FAM53B: variants seen among roughly 807,000 people sequenced by gnomAD.
FAM53B encodes family with sequence similarity 53 member B.
In FAM53B, 12 loss-of-function variants were observed where a neutral mutation model predicts 32.7. That is an observed-to-expected ratio of 0.37 (90% CI 0.24 to 0.59). The LOEUF is 0.59. FAM53B is among the 20% of genes least tolerant of loss of function. The pLI, the probability that FAM53B is intolerant of heterozygous loss-of-function variation, is 0.72. For missense variants in FAM53B, 477 were observed against 577.7 expected (o/e 0.83, Z 1.79); for synonymous variants, 234 against 228.7 (o/e 1.02, Z -0.21).
At chr10:124,706,536 G>A (rs2134085611) in intron 2 of FAM53B, 100 bp downstream of exon 2, 3 of 1,476,392 alleles carry the variant, frequency 2.0e-6, no homozygotes, top group East Asian at 4.5e-5. Flanking sequence ...TGGGGACTCT[G>A]GACTCGATTT....
rs779639182 is a variant in FAM53B, at chr10:124,681,661, G to A, written c.852C>T (p.Arg284=). 1.9e-6 allele frequency: 3 copies of A among 1,612,336 alleles called. No homozygotes were observed. The highest frequency in any genetic ancestry group is 2.5e-6 in the Non-Finnish European group (3 of 1,179,300). ...GCCTCTGCTCTTGCACTTCTTCAGG[G>A]CGCCGCCTTTTAACACCGACCTTCT... ...NDKKVGVKRR[R]PEEVQEQRPS... is the part of the protein sequence containing the mutation. Residue 284 remains arginine, a synonymous_variant, in exon 4 of 5, where the codon CGC becomes CGT. Transcript: ENST00000337318.
At chr10:124,713,058 G>T (rs1261583651) in intron 1 of FAM53B, among the ~76,000 whole-genome samples, 2 of 152,144 alleles carry the variant, frequency 1.3e-5, no homozygotes, top group East Asian at 1.9e-4. Context: ...GACGCCCCAT[G>T]CCCAGAGCCC....
intron 1 of FAM53B, among the ~76,000 whole-genome samples, chr10:124,734,678 A>G (rs745875615): frequency 6.6e-6 from 1 of 152,206 alleles, no homozygotes; most frequent in Non-Finnish European, 1.5e-5. Flanking sequence ...GCCCCCTCCC[A>G]GAACCTAGTG....
intron 1 of FAM53B, chr10:124,713,535 C>G (rs1195977518): frequency 6.6e-6 from 1 of 152,238 alleles, no homozygotes; most frequent in Non-Finnish European, 1.5e-5. Flanking sequence ...CCCCACCTGG[C>G]TCATCCACTT....
intron 1 of FAM53B, among the ~76,000 whole-genome samples, chr10:124,729,193 G>C (rs1232475995): frequency 6.6e-6 from 1 of 152,200 alleles, no homozygotes; most frequent in East Asian, 1.9e-4. Flanking sequence ...CTGAGGGCTG[G>C]GACAGCAGTG....
rs1180512749 is a variant in FAM53B, at chr10:124,621,749, T to A, written c.*1493A>T. Reference sequence around the variant, plus strand: ...CCTGCAGAAGCGAGGCGTTCACTCGTCCATGAAGACGAGCAAAAGCAAAGT... The same window carrying A: ...CCTGCAGAAGCGAGGCGTTCACTCGACCATGAAGACGAGCAAAAGCAAAGT... On this transcript the variant is annotated 3_prime_UTR_variant, in exon 5 of 5. Coordinates refer to ENST00000337318, the MANE Select transcript of FAM53B (RefSeq NM_014661.4). 6.6e-6 allele frequency: 1 copy of A among 152,246 alleles called. No homozygotes were observed. The highest frequency in any genetic ancestry group is 1.9e-4 in the East Asian group (1 of 5,200). The allele number at this position is 152,246 out of a possible 1,614,324, so 9.4% of individuals were successfully genotyped here.
intron 4 of FAM53B, chr10:124,667,394 A>T (rs750707257): frequency 1.3e-6 from 1 of 769,960 alleles, no homozygotes; most frequent in Admixed American, 1.7e-5. Context: ...TAAAATGGAT[A>T]ACGATGTGCC....
intron 4 of FAM53B, among the ~76,000 whole-genome samples, chr10:124,635,983 G>A (rs1949428532): frequency 6.6e-6 from 1 of 152,152 alleles, no homozygotes; most frequent in African/African-American, 2.4e-5. Context: ...AGAAACTAGC[G>A]GTCCATCTGA....
intron 4 of FAM53B, among the ~76,000 whole-genome samples, chr10:124,648,473 C>A (rs1949534664): frequency 1.3e-5 from 2 of 152,220 alleles, no homozygotes; most frequent in Non-Finnish European, 2.9e-5. Context: ...TCTCCCCGCT[C>A]CTTGGGAGCC....
chr10:124,718,345 C>G (rs1950048949), intron 1 of FAM53B, among the ~76,000 whole-genome samples: 1 of 152,150 alleles, frequency 6.6e-6, no homozygotes, highest in African/African-American at 2.4e-5. Flanking sequence ...CCTACAGGGT[C>G]TGTTGTAGAA....
intron 4 of FAM53B, among the ~76,000 whole-genome samples, chr10:124,633,946 A>G (rs1185649954): frequency 1.3e-5 from 2 of 152,270 alleles, no homozygotes; most frequent in Non-Finnish European, 2.9e-5. Flanking sequence ...TACATGTCAA[A>G]AAATGCCAAA....
chr10:124,662,139 G>A (rs1224291651), intron 4 of FAM53B, among the ~76,000 whole-genome samples: 1 of 152,238 alleles, frequency 6.6e-6, no homozygotes, highest in Non-Finnish European at 1.5e-5. Flanking sequence ...CTCCTGGGGA[G>A]TGGAACAAGC....
rs577409294 is a variant in FAM53B, at chr10:124,743,153, G to A, written c.-175+860C>T. 3.2e-3 allele frequency among the ~76,000 whole-genome samples: 483 copies of A among 151,014 alleles called. 2 individuals carry two copies. The highest frequency in any genetic ancestry group is 0.011 in the African/African-American group (450 of 41,090). On this transcript the variant is annotated intron_variant, in intron 1 of 4. Coordinates refer to ENST00000337318, the MANE Select transcript of FAM53B (RefSeq NM_014661.4). ...AGAGCTGGGGGCTGGGGGACAAGGT[G>A]GGGGGGCGGGGGGAGCGAGAACACA...
At chr10:124,724,725 C>A (rs552743943) in intron 1 of FAM53B, among the ~76,000 whole-genome samples, 2 of 152,318 alleles carry the variant, frequency 1.3e-5, no homozygotes, top group African/African-American at 4.8e-5. Flanking sequence ...CAGCCGTGAC[C>A]CAAGCAGCTC....
At chr10:124,698,491 C>T (rs1377705678) in intron 2 of FAM53B, among the ~76,000 whole-genome samples, 1 of 152,170 alleles carries the variant, frequency 6.6e-6, no homozygotes, top group Non-Finnish European at 1.5e-5. Flanking sequence ...GCAAGGAACA[C>T]TGCCAGAGAT....
At chr10:124,646,545 C>G (rs781333534) in intron 4 of FAM53B, among the ~76,000 whole-genome samples, 2 of 152,210 alleles carry the variant, frequency 1.3e-5, no homozygotes, top group Non-Finnish European at 2.9e-5. Flanking sequence ...TGCTCCCAGC[C>G]CGGAGCCTCT....
At chr10:124,659,126 C>T (rs1483811767) in intron 4 of FAM53B, among the ~76,000 whole-genome samples, 2 of 152,192 alleles carry the variant, frequency 1.3e-5, no homozygotes, top group Non-Finnish European at 2.9e-5. Flanking sequence ...GCATCTTGCA[C>T]ATCATGGGAG....
intron 4 of FAM53B, among the ~76,000 whole-genome samples, chr10:124,646,606 C>T (rs1949517104): frequency 6.6e-6 from 1 of 152,226 alleles, no homozygotes; most frequent in Non-Finnish European, 1.5e-5. Context: ...ACGGCTCCCT[C>T]AGTATCCCTG....
chr10:124,664,438 C>T (rs929304583), intron 4 of FAM53B, among the ~76,000 whole-genome samples: 6 of 152,234 alleles, frequency 3.9e-5, no homozygotes, highest in Non-Finnish European at 8.8e-5. Context: ...AGCTTCAACA[C>T]TGGGCCGGGA....
Sources: gnomAD v4.1 joint callset for allele counts (sites outside exome capture counted in the v4.1 genomes callset) on GRCh38, gnomAD v4.1.1 for gene constraint, MANE v1.5 for transcripts, NCBI Gene and HGNC (gene_info 2026-07-23, HGNC 2026-07-21) for gene names.